Variants in CALD1 observed in about 807,000 individuals in gnomAD.
The protein encoded by CALD1 is caldesmon.
Under a neutral mutation model 99.9 loss-of-function variants are expected in CALD1, and 33 were observed. That is an observed-to-expected ratio of 0.33 (90% CI 0.25 to 0.44). The LOEUF (loss-of-function observed/expected upper bound fraction) is 0.44, where lower values mean the gene tolerates loss of function less well. CALD1 is among the 20% of genes least tolerant of loss of function. CALD1 has a pLI of 1.00. For missense variants in CALD1, 861 were observed against 962.1 expected (o/e 0.89, Z 1.39); for synonymous variants, 310 against 325.0 (o/e 0.95, Z 0.50).
intron 2 of CALD1, among the ~76,000 whole-genome samples, chr7:134,864,728 A>C (rs1800727906): frequency 6.6e-6 from 1 of 152,140 alleles, no homozygotes; most frequent in Non-Finnish European, 1.5e-5. Flanking sequence ...CTTATTTCTT[A>C]ATCATGGCAG....
rs3778845 is a variant in CALD1 at position 134,795,496 on chromosome 7, T to C, written c.-130+15747T>C. 1.5e-4 allele frequency among the ~76,000 whole-genome samples: 23 copies of C among 152,310 alleles called. No homozygotes were observed. The East Asian group carries it at 4.4e-3, about 29-fold the overall frequency. On this transcript the variant is annotated intron_variant, in intron 1 of 14. Coordinates refer to ENST00000361675, the MANE Select transcript of CALD1 (RefSeq NM_033138.4). The stretch of plus-strand genomic sequence containing the variant: ...TATAAATTACCCAGTCTTGGATACG[T>C]CATTATTACCAGAGTGAGAACAGAC...
chr7:134,762,821 T>C (rs1796790782), intron 1 of CALD1, among the ~76,000 whole-genome samples: 1 of 152,160 alleles, frequency 6.6e-6, no homozygotes, highest in Non-Finnish European at 1.5e-5. Context: ...GGATTACAAC[T>C]GGACATGAGA....
intron 2 of CALD1, among the ~76,000 whole-genome samples, chr7:134,857,473 T>C (rs1800367282): frequency 6.6e-6 from 1 of 152,022 alleles, no homozygotes; most frequent in African/African-American, 2.4e-5. Flanking sequence ...GTGCTATTCT[T>C]AAGCAGGCCC....
chr7:134,786,519 T>A (rs889613219), intron 1 of CALD1, among the ~76,000 whole-genome samples: 1 of 152,194 alleles, frequency 6.6e-6, no homozygotes, highest in African/African-American at 2.4e-5. Context: ...TAAAATTATG[T>A]ATGTATTTGT....
chr7:134,888,115 C>T (rs1362840418), intron 3 of CALD1, among the ~76,000 whole-genome samples: 2 of 152,144 alleles, frequency 1.3e-5, no homozygotes, highest in Non-Finnish European at 2.9e-5. Context: ...GGGAGCTGTT[C>T]CTTTCTATTA....
At chr7:134,795,787 C>G (rs540576645) in intron 1 of CALD1, among the ~76,000 whole-genome samples, 1 of 152,080 alleles carries the variant, frequency 6.6e-6, no homozygotes, top group South Asian at 2.1e-4. Flanking sequence ...TTATGAAGAT[C>G]GATGGTAACA....
At chr7:134,789,739 C>A (rs763250004) in intron 1 of CALD1, among the ~76,000 whole-genome samples, 2 of 152,162 alleles carry the variant, frequency 1.3e-5, no homozygotes, top group South Asian at 2.1e-4. Context: ...CATTTGGGGT[C>A]TCCAGGAGGT....
chr7:134,908,115 G>T (rs1803536641), intron 3 of CALD1, among the ~76,000 whole-genome samples: 1 of 152,078 alleles, frequency 6.6e-6, no homozygotes, highest in Non-Finnish European at 1.5e-5. Flanking sequence ...GGAATTTGGG[G>T]TTACATGATG....
At chr7:134,881,026 T>C (rs1563064571) in intron 3 of CALD1, among the ~76,000 whole-genome samples, 2 of 152,308 alleles carry the variant, frequency 1.3e-5, no homozygotes, top group East Asian at 1.9e-4. Flanking sequence ...GTCAGAGCTA[T>C]GGTAGAGCTG....
At chr7:134,887,720 G>A (rs1409856011) in intron 3 of CALD1, among the ~76,000 whole-genome samples, 1 of 147,710 alleles carries the variant, frequency 6.8e-6, no homozygotes, top group Non-Finnish European at 1.5e-5. Flanking sequence ...ATGCATGCAT[G>A]CGTATATGTG....
At chr7:134,935,983 C>T (rs1805940208) in intron 6 of CALD1, among the ~76,000 whole-genome samples, 1 of 152,112 alleles carries the variant, frequency 6.6e-6, no homozygotes, top group Non-Finnish European at 1.5e-5. Flanking sequence ...GGATAGAAGC[C>T]ATCAGAGGGC....
chr7:134,728,870 T>G, the CALD1 span, among the ~76,000 whole-genome samples: 1 of 101,614 alleles, frequency 9.8e-6, no homozygotes, highest in Non-Finnish European at 1.9e-5. Context: ...TTTTTTTTTT[T>G]GACCCAGAGT....
At chr7:134,942,591 C>T (rs547539468) in intron 7 of CALD1, among the ~76,000 whole-genome samples, 3 of 152,186 alleles carry the variant, frequency 2.0e-5, no homozygotes, top group South Asian at 2.1e-4. Flanking sequence ...ATCTACAAAG[C>T]GAGTTGATTC....
chr7:134,918,943 T>C (rs1463701895), intron 3 of CALD1, among the ~76,000 whole-genome samples: 1 of 152,156 alleles, frequency 6.6e-6, no homozygotes, highest in Admixed American at 6.5e-5. Flanking sequence ...GAGGCTGCAG[T>C]GAGCCAAGAT....
At chr7:134,798,559 T>C (rs1038563449) in intron 1 of CALD1, among the ~76,000 whole-genome samples, 6 of 152,226 alleles carry the variant, frequency 3.9e-5, no homozygotes, top group Non-Finnish European at 4.4e-5. Context: ...TTGACATTAA[T>C]AGAAGGTCCA....
intron 1 of CALD1, among the ~76,000 whole-genome samples, chr7:134,807,761 G>A (rs1470695115): frequency 1.3e-5 from 2 of 152,126 alleles, no homozygotes; most frequent in Non-Finnish European, 2.9e-5. Flanking sequence ...CTGAGTAGCT[G>A]GGATTACAGG....
chr7:134,744,871 A>G (rs1796621888), intron 1 of CALD1, among the ~76,000 whole-genome samples: 1 of 152,170 alleles, frequency 6.6e-6, no homozygotes, highest in Non-Finnish European at 1.5e-5. Flanking sequence ...GAAGCAGCCC[A>G]CCTTTCTCTG....
At chr7:134,947,870 G>T in intron 8 of CALD1, 101 bp downstream of exon 8, 2 of 1,398,104 alleles carry the variant, frequency 1.4e-6, no homozygotes, top group East Asian at 2.3e-5. Flanking sequence ...ATTTTTTTAA[G>T]AATAATAAAC....
upstream of CALD1, among the ~76,000 whole-genome samples, chr7:134,777,886 G>A (rs772666039): frequency 9.9e-5 from 15 of 152,160 alleles, no homozygotes; most frequent in South Asian, 4.1e-4. Flanking sequence ...AAAACTGGCC[G>A]TGTTCCGAAA....
Sources: gnomAD v4.1 joint callset for allele counts (sites outside exome capture counted in the v4.1 genomes callset) on GRCh38, gnomAD v4.1.1 for gene constraint, MANE v1.5 for transcripts, NCBI Gene and HGNC (gene_info 2026-07-23, HGNC 2026-07-21) for gene names.